The following ZPBP variants were observed in gnomAD, a reference collection of about 807,000 sequenced individuals.
ZPBP encodes zona pellucida binding protein.
In ZPBP, 26 loss-of-function variants were observed where a neutral mutation model predicts 44.8. That is an observed-to-expected ratio of 0.58 (90% CI 0.43 to 0.81). The LOEUF (loss-of-function observed/expected upper bound fraction) is 0.81, where lower values mean the gene tolerates loss of function less well. ZPBP is among the 30% of genes least tolerant of loss of function. The probability of loss-of-function intolerance (pLI) is 0.00; values close to 1 mark genes in which losing one functional copy is unlikely to be tolerated. For synonymous variants in ZPBP, 174 were observed against 153.2 expected (o/e 1.14, Z -1.00); for missense variants, 409 against 434.0 (o/e 0.94, Z 0.51).
At chr7:49,940,823 T>C (rs1254426993) in intron 7 of ZPBP, 2 of 984,084 alleles carry the variant, frequency 2.0e-6, no homozygotes, top group Non-Finnish European at 2.4e-6. Flanking sequence ...GAGAGTCCCA[T>C]GCCTGTGGGA....
intron 2 of ZPBP, among the ~76,000 whole-genome samples, chr7:49,850,928 C>A (rs4917094): frequency 0.66 from 99,956 of 152,112 alleles, 34,079 homozygotes; most frequent in East Asian, 0.88. Context: ...GCACCAGGCT[C>A]CATTAGCTCC....
chr7:50,022,331 T>A (rs1401284551), intron 5 of ZPBP, among the ~76,000 whole-genome samples: 1 of 152,086 alleles, frequency 6.6e-6, no homozygotes. Context: ...AATTACAATC[T>A]ATGTTAGTGG....
rs1223670708 is a variant in ZPBP, at chr7:49,982,144, A to AAATATAT, written c.961+1191_961+1197dup. Among the ~76,000 whole-genome samples, 324 of 102,864 alleles carry AAATATAT rather than the reference A, an allele frequency of 3.1e-3. 72 individuals carry two copies. The highest frequency in any genetic ancestry group is 0.013 in the African/African-American group (311 of 24,598). The allele number at this position is 102,864 out of a possible 152,430, so 67.5% of individuals were successfully genotyped here. ...ATATATTAATATAAATATTTATATA[A>AAATATAT]AATATATAATATATAATATATATTA... On this transcript the variant is annotated intron_variant, in intron 7 of 7. Transcript: ENST00000046087.
intron 1 of ZPBP, chr7:49,915,888 T>G (rs939047093): frequency 2.0e-5 from 3 of 152,258 alleles, no homozygotes; most frequent in African/African-American, 7.2e-5. Flanking sequence ...CAACATAATT[T>G]GTAACTGTCT....
chr7:50,083,247 A>G (rs1365690661), intron 2 of ZPBP, among the ~76,000 whole-genome samples: 1 of 151,962 alleles, frequency 6.6e-6, no homozygotes, highest in African/African-American at 2.4e-5. Context: ...CTCTACATCA[A>G]CAATAATGCA....
At chr7:49,904,540 T>C (rs958897556) in intron 1 of ZPBP, among the ~76,000 whole-genome samples, 2 of 152,334 alleles carry the variant, frequency 1.3e-5, no homozygotes, top group East Asian at 3.9e-4. Context: ...ATGCTGCTTA[T>C]AGGAGGAAGG....
intron 4 of ZPBP, among the ~76,000 whole-genome samples, chr7:50,036,077 C>T (rs1322330291): frequency 2.0e-5 from 3 of 152,224 alleles, no homozygotes; most frequent in Non-Finnish European, 1.5e-5. Flanking sequence ...GCCTAAAATA[C>T]ACCACATTTA....
chr7:49,847,444 A>G (rs1244011981), downstream of ZPBP, among the ~76,000 whole-genome samples: 5 of 152,016 alleles, frequency 3.3e-5, no homozygotes, highest in Admixed American at 2.0e-4. Context: ...GGGATCCCTG[A>G]CCATTATTAG....
intron 6 of ZPBP, among the ~76,000 whole-genome samples, chr7:49,995,004 A>G (rs1584003920): frequency 6.6e-6 from 1 of 152,126 alleles, no homozygotes; most frequent in South Asian, 2.1e-4. Context: ...GCAACAACAT[A>G]CCCTTCACCC....
intron 1 of ZPBP, among the ~76,000 whole-genome samples, chr7:49,905,957 C>T (rs1793064224): frequency 6.8e-6 from 1 of 147,728 alleles, no homozygotes; most frequent in Admixed American, 6.8e-5. Context: ...AGGAAGTTAC[C>T]TTATATGGTC....
downstream of ZPBP, among the ~76,000 whole-genome samples, chr7:49,933,402 A>G (rs1794512994): frequency 6.6e-6 from 1 of 152,236 alleles, no homozygotes; most frequent in Non-Finnish European, 1.5e-5. Context: ...AACAAAAGAA[A>G]CTTTCTTATT....
At chr7:49,903,119 G>C (rs1562763975) in intron 1 of ZPBP, among the ~76,000 whole-genome samples, 1 of 152,124 alleles carries the variant, frequency 6.6e-6, no homozygotes, top group Non-Finnish European at 1.5e-5. Flanking sequence ...ATCAAATGCT[G>C]GTAAAGATGT....
At chr7:50,001,284 A>G (rs1470493716) in intron 6 of ZPBP, among the ~76,000 whole-genome samples, 3 of 152,086 alleles carry the variant, frequency 2.0e-5, no homozygotes, top group Non-Finnish European at 4.4e-5. Context: ...ACTTCAAAGA[A>G]CCTCACCTTA....
chr7:49,854,012 G>T (rs1316363105), intron 2 of ZPBP, among the ~76,000 whole-genome samples: 2 of 151,940 alleles, frequency 1.3e-5, no homozygotes, highest in Non-Finnish European at 2.9e-5. Context: ...ATGGTTTCCA[G>T]CTTCATCCAT....
intron 5 of ZPBP, 37 bp from the exon 6 acceptor site, chr7:50,018,353 G>A (rs781542390): frequency 2.2e-6 from 3 of 1,390,388 alleles, no homozygotes; most frequent in Admixed American, 3.4e-5. Flanking sequence ...TGGGTATAAT[G>A]TATTCTGTCA....
intron 3 of ZPBP, among the ~76,000 whole-genome samples, chr7:50,063,233 C>G (rs1163646455): frequency 2.0e-5 from 3 of 152,174 alleles, no homozygotes; most frequent in Non-Finnish European, 4.4e-5. Flanking sequence ...TTTTGAAGGA[C>G]TCCAGTTCTT....
At chr7:50,071,975 C>T (rs1801861393) in intron 3 of ZPBP, among the ~76,000 whole-genome samples, 1 of 152,198 alleles carries the variant, frequency 6.6e-6, no homozygotes, top group South Asian at 2.1e-4. Flanking sequence ...AAAACTCCTT[C>T]TGCTTGAGAA....
chr7:50,050,431 G>A (rs2128824432), intron 4 of ZPBP, among the ~76,000 whole-genome samples: 1 of 151,742 alleles, frequency 6.6e-6, no homozygotes. Flanking sequence ...ACAGAACCTA[G>A]GAAAAAAGCA....
intron 7 of ZPBP, among the ~76,000 whole-genome samples, chr7:49,946,285 G>GT (rs1177582930): frequency 6.6e-6 from 1 of 151,738 alleles, no homozygotes; most frequent in Non-Finnish European, 1.5e-5. Context: ...GTGTTTTTTT[G>GT]TGTATTTACT....
Sources: gnomAD v4.1 joint callset for allele counts (sites outside exome capture counted in the v4.1 genomes callset) on GRCh38, gnomAD v4.1.1 for gene constraint, MANE v1.5 for transcripts, NCBI Gene and HGNC (gene_info 2026-07-23, HGNC 2026-07-21) for gene names.